Variants in SCHIP1 observed in about 807,000 individuals in gnomAD.
SCHIP1 encodes schwannomin-interacting protein 1.
In SCHIP1, 8 loss-of-function variants were observed where a neutral mutation model predicts 29.7. The observed-to-expected ratio is 0.27, with a 90% CI of 0.16 to 0.49. The LOEUF (loss-of-function observed/expected upper bound fraction) is 0.49. Among genes scored for constraint, SCHIP1 ranks in the 20% least tolerant of loss-of-function variants. The probability of loss-of-function intolerance (pLI) is 0.99; values close to 1 mark genes in which losing one functional copy is unlikely to be tolerated. For missense variants in SCHIP1, 193 were observed against 294.6 expected (o/e 0.66, Z 2.52); for synonymous variants, 76 against 94.9 (o/e 0.80, Z 1.16).
At chr3:159,444,669 C>T in the SCHIP1 span, among the ~76,000 whole-genome samples, 7 of 152,012 alleles carry the variant, frequency 4.6e-5, no homozygotes, top group African/African-American at 7.3e-5. Context: ...ATACAAGAGA[C>T]AAAGTGATGA....
the SCHIP1 span, among the ~76,000 whole-genome samples, chr3:159,550,942 ATTTT>A: frequency 2.0e-5 from 3 of 152,154 alleles, no homozygotes; most frequent in African/African-American, 7.2e-5. Flanking sequence ...ACTTTATATT[ATTTT>A]ATTTCATAAA....
the SCHIP1 span, chr3:159,764,632 CAGA>C: frequency 5.8e-5 from 94 of 1,606,880 alleles, no homozygotes; most frequent in East Asian, 1.8e-3. This position sits in a 1 kb window ranked among gnomAD's most constrained non-coding sequence, Gnocchi z 6.1. Context: ...CCCGGTCTAC[CAGA>C]AGAAGGTGAT....
At chr3:159,888,796 A>G in intron 4 of SCHIP1, 24 bp from the exon 6 acceptor site, 4 of 1,612,566 alleles carry the variant, frequency 2.5e-6, no homozygotes, top group South Asian at 1.1e-5. Flanking sequence ...TCACTCCTCC[A>G]TTTCTTCTCC....
chr3:159,837,180 T>C (rs2108993890), upstream of SCHIP1, among the ~76,000 whole-genome samples: 1 of 152,266 alleles, frequency 6.6e-6, no homozygotes, highest in African/African-American at 2.4e-5. Context: ...TGTCTTCAGT[T>C]TTCAGAAAAG....
At chr3:159,679,105 G>A in the SCHIP1 span, among the ~76,000 whole-genome samples, 2 of 152,074 alleles carry the variant, frequency 1.3e-5, no homozygotes, top group African/African-American at 2.4e-5. Flanking sequence ...TTCTCACAAA[G>A]CGTGACTTTA....
chr3:159,606,540 C>G, the SCHIP1 span, among the ~76,000 whole-genome samples: 2 of 151,988 alleles, frequency 1.3e-5, no homozygotes, highest in East Asian at 3.9e-4. Flanking sequence ...CAGATTCCAA[C>G]CAAGATAGTT....
intron 2 of SCHIP1, among the ~76,000 whole-genome samples, chr3:159,884,831 G>C (rs778981835): frequency 6.6e-6 from 1 of 152,162 alleles, no homozygotes; most frequent in African/African-American, 2.4e-5. Flanking sequence ...GATCAGAGTG[G>C]GGTGTGTTGC....
At chr3:159,478,239 C>T in the SCHIP1 span, among the ~76,000 whole-genome samples, 97,995 of 152,048 alleles carry the variant, frequency 0.64, 32,127 homozygotes, top group East Asian at 0.78. Context: ...CTTTAAACTA[C>T]TTTGAGTTGA....
At chr3:159,546,626 C>A in the SCHIP1 span, among the ~76,000 whole-genome samples, 1 of 152,036 alleles carries the variant, frequency 6.6e-6, no homozygotes, top group African/African-American at 2.4e-5. Context: ...CCTGTGTCCA[C>A]GTGTTCTCAT....
chr3:159,789,441 CTG>C, the SCHIP1 span, among the ~76,000 whole-genome samples: 1 of 152,232 alleles, frequency 6.6e-6, no homozygotes, highest in Non-Finnish European at 1.5e-5. Flanking sequence ...TGACAAACAA[CTG>C]TGCACCATGG....
At chr3:159,645,125 A>G in the SCHIP1 span, among the ~76,000 whole-genome samples, 2 of 152,150 alleles carry the variant, frequency 1.3e-5, no homozygotes, top group Non-Finnish European at 1.5e-5. Flanking sequence ...CGGGAAGAAA[A>G]CGTCAATGTA....
the SCHIP1 span, among the ~76,000 whole-genome samples, chr3:159,744,956 T>C: frequency 1.3e-5 from 2 of 151,340 alleles, no homozygotes; most frequent in Admixed American, 1.3e-4. Flanking sequence ...CACTCCAGCC[T>C]GGGCGACAGA....
the SCHIP1 span, among the ~76,000 whole-genome samples, chr3:159,355,742 C>T: frequency 0.46 from 70,362 of 151,334 alleles, 16,633 homozygotes; most frequent in African/African-American, 0.51. Context: ...CCATTTTCTA[C>T]GTTACTATTT....
chr3:159,665,488 G>A, the SCHIP1 span, among the ~76,000 whole-genome samples: 1,054 of 151,872 alleles, frequency 6.9e-3, 13 homozygotes, highest in African/African-American at 0.024. Flanking sequence ...ATTTCACACG[G>A]GTCAAACACA....
the SCHIP1 span, among the ~76,000 whole-genome samples, chr3:159,293,128 A>AT: frequency 2.0e-4 from 31 of 152,174 alleles, no homozygotes; most frequent in Non-Finnish European, 3.2e-4. Flanking sequence ...AATTAAAACA[A>AT]TTTTTTCAAT....
intron 3 of SCHIP1, 150 bp downstream of exon 4, chr3:159,886,474 G>A: frequency 4.8e-6 from 3 of 630,632 alleles, no homozygotes; most frequent in Non-Finnish European, 5.4e-6. Context: ...ATTTGACAAT[G>A]ATTAAAAAGT....
the SCHIP1 span, among the ~76,000 whole-genome samples, chr3:159,632,242 C>T: frequency 6.6e-6 from 1 of 152,144 alleles, no homozygotes; most frequent in African/African-American, 2.4e-5. Context: ...GAGCCTTCTG[C>T]AAAGCTTTAG....
At chr3:159,436,854 G>A in the SCHIP1 span, among the ~76,000 whole-genome samples, 1 of 152,016 alleles carries the variant, frequency 6.6e-6, no homozygotes, top group African/African-American at 2.4e-5. Flanking sequence ...GTATATACCA[G>A]GAGTCTATGC....
the SCHIP1 span, among the ~76,000 whole-genome samples, chr3:159,709,230 G>C: frequency 6.6e-6 from 1 of 152,110 alleles, no homozygotes; most frequent in African/African-American, 2.4e-5. Context: ...TGGTGGGGAA[G>C]GGAATATGGC....
Sources: allele counts gnomAD v4.1 joint callset (sites outside exome capture counted in the v4.1 genomes callset), GRCh38; gene constraint gnomAD v4.1.1; non-coding constraint Gnocchi (gnomAD v3.1); transcripts MANE v1.5; gene names NCBI Gene and HGNC (gene_info 2026-07-23, HGNC 2026-07-21).